PCDH15: variants seen among roughly 807,000 people sequenced by gnomAD.
PCDH15 encodes the protein protocadherin-15.
In PCDH15, 129 loss-of-function variants were observed where a neutral mutation model predicts 178.5. That is an observed-to-expected ratio of 0.72 (90% confidence interval 0.63 to 0.84). The LOEUF is 0.84. PCDH15 is among the 40% of genes least tolerant of loss of function. PCDH15 has a pLI of 0.00. For synonymous variants in PCDH15, 800 were observed against 732.0 expected (o/e 1.09, Z -1.50); for missense variants, 2,230 against 2,099.9 (o/e 1.06, Z -1.21).
intron 1 of PCDH15, among the ~76,000 whole-genome samples, chr10:54,771,393 A>T (rs1439239309): frequency 6.6e-6 from 1 of 152,276 alleles, no homozygotes; most frequent in East Asian, 1.9e-4. Flanking sequence ...CTGTATCAGG[A>T]TGTAACTGAA....
chr10:55,177,984 T>C (rs891635724), intron 1 of PCDH15, among the ~76,000 whole-genome samples: 11 of 152,168 alleles, frequency 7.2e-5, no homozygotes, highest in Non-Finnish European at 1.6e-4. Context: ...GTTCAGCTAA[T>C]TGTCCTCATA....
chr10:55,059,546 T>C (rs958627733), intron 2 of PCDH15, among the ~76,000 whole-genome samples: 1 of 152,288 alleles, frequency 6.6e-6, no homozygotes. Context: ...AGATGAACAA[T>C]AGATAAATAA....
intron 2 of PCDH15, among the ~76,000 whole-genome samples, chr10:54,929,512 A>G (rs1837714728): frequency 2.0e-5 from 3 of 152,214 alleles, no homozygotes; most frequent in Admixed American, 1.3e-4. Flanking sequence ...TTTGGAGATC[A>G]TTATGGTACT....
chr10:54,555,750 A>G (rs200649946), intron 2 of PCDH15, among the ~76,000 whole-genome samples: 34 of 148,972 alleles, frequency 2.3e-4, no homozygotes, highest in East Asian at 2.0e-3. Context: ...AAAAAAAAAA[A>G]AAAAGAAAAG....
chr10:55,523,061 T>G (rs975185867), intron 2 of PCDH15, among the ~76,000 whole-genome samples: 1 of 151,718 alleles, frequency 6.6e-6, no homozygotes, highest in Non-Finnish European at 1.5e-5. Flanking sequence ...ACTTCAACTT[T>G]GTCTTTCACA....
At chr10:54,576,147 CTAT>C (rs1177557479) in intron 2 of PCDH15, among the ~76,000 whole-genome samples, 2 of 146,984 alleles carry the variant, frequency 1.4e-5, no homozygotes. Flanking sequence ...ATCTATCTAT[CTAT>C]CTACCTACCT....
intron 20 of PCDH15, among the ~76,000 whole-genome samples, chr10:54,009,742 G>A (rs2092511752): frequency 6.6e-6 from 1 of 152,168 alleles, no homozygotes; most frequent in East Asian, 1.9e-4. Context: ...CAGTGAGTAA[G>A]TGAGTCCCTG....
intron 3 of PCDH15, among the ~76,000 whole-genome samples, chr10:54,475,855 C>T (rs2078237604): frequency 6.6e-6 from 1 of 150,814 alleles, no homozygotes; most frequent in Admixed American, 6.6e-5. Flanking sequence ...AAACTGTCAA[C>T]AAATTCCCCC....
rs536826475 is a variant in PCDH15 at position 55,495,164 on chromosome 10, A to G, written c.-156+132461T>C. ...CCACAAAACTCTTACAGGAAAAAAT[A>G]GGTGTATGTCTTCATGGCCTTGGAT... On this transcript the variant is annotated intron_variant, in intron 2 of 5. Coordinates refer to the PCDH15 transcript ENST00000613346. Among the ~76,000 whole-genome samples, 8 of 151,912 alleles carry G rather than the reference A, an allele frequency of 5.3e-5. No homozygotes were observed. The South Asian group carries it at 1.7e-3, about 31-fold the overall frequency.
At chr10:53,908,974 T>G in intron 25 of PCDH15, among the ~76,000 whole-genome samples, 1 of 152,224 alleles carries the variant, frequency 6.6e-6, no homozygotes, top group East Asian at 1.9e-4. Context: ...GTTTAAGCTT[T>G]ACGGGTATAT....
intron 2 of PCDH15, among the ~76,000 whole-genome samples, chr10:54,920,266 C>A (rs1171660402): frequency 6.6e-6 from 1 of 152,042 alleles, no homozygotes; most frequent in African/African-American, 2.4e-5. Flanking sequence ...GTCAGGAGAT[C>A]GAGACCATCG....
At chr10:54,916,254 C>A (rs535115872) in intron 2 of PCDH15, among the ~76,000 whole-genome samples, 60 of 152,216 alleles carry the variant, frequency 3.9e-4, no homozygotes, top group Non-Finnish European at 7.6e-4. Context: ...GCCATCACAC[C>A]TGGCTGACAT....
chr10:54,695,410 C>T (rs947512482), intron 1 of PCDH15, among the ~76,000 whole-genome samples: 13 of 152,090 alleles, frequency 8.5e-5, no homozygotes, highest in African/African-American at 4.8e-5. Context: ...TTGTTTATAA[C>T]ATTTAATGAA....
chr10:55,293,585 G>A (rs182823992), intron 1 of PCDH15, among the ~76,000 whole-genome samples: 21 of 152,258 alleles, frequency 1.4e-4, no homozygotes, highest in African/African-American at 4.1e-4. Flanking sequence ...ACACTTTGCT[G>A]CTTAGAAATT....
intron 13 of PCDH15, among the ~76,000 whole-genome samples, chr10:54,158,474 A>C (rs1317539806): frequency 6.6e-6 from 1 of 152,208 alleles, no homozygotes; most frequent in Non-Finnish European, 1.5e-5. Context: ...ATTCAAAATG[A>C]GATTTGGGTG....
chr10:55,329,029 G>T (rs1313973669), intron 2 of PCDH15, among the ~76,000 whole-genome samples: 2 of 143,832 alleles, frequency 1.4e-5, no homozygotes, highest in African/African-American at 5.4e-5. Flanking sequence ...GTGTGTGTTT[G>T]TGTGTGTGTG....
intron 2 of PCDH15, chr10:54,656,158 G>C (rs2094402146): frequency 6.6e-6 from 1 of 152,060 alleles, no homozygotes; most frequent in Admixed American, 6.6e-5. Flanking sequence ...TGACTGACTT[G>C]GGATGCTAGT....
chr10:55,072,636 A>C (rs1452639357), intron 2 of PCDH15, among the ~76,000 whole-genome samples: 5 of 152,116 alleles, frequency 3.3e-5, no homozygotes, highest in Admixed American at 6.6e-5. Context: ...AGTCCAGGAC[A>C]AGACGGATTC....
chr10:54,565,676 T>C (rs570991096), intron 2 of PCDH15, among the ~76,000 whole-genome samples: 21 of 152,330 alleles, frequency 1.4e-4, no homozygotes, highest in African/African-American at 4.1e-4. Flanking sequence ...ACCTAGCTGT[T>C]TGCAATTGTG....
Sources: allele counts gnomAD v4.1 joint callset (sites outside exome capture counted in the v4.1 genomes callset), GRCh38; gene constraint gnomAD v4.1.1; transcripts MANE v1.5; gene names NCBI Gene and HGNC (gene_info 2026-07-23, HGNC 2026-07-21).